Variants in LIN7A observed in about 807,000 individuals in gnomAD.
The protein encoded by LIN7A is protein lin-7 homolog A.
In LIN7A, 25 loss-of-function variants were observed where a neutral mutation model predicts 29.8. That is an observed-to-expected ratio of 0.84 (90% CI 0.61 to 1.17). The LOEUF (loss-of-function observed/expected upper bound fraction) is 1.17, where lower values mean the gene tolerates loss of function less well. Ranked by LOEUF, LIN7A falls within the 50% of genes most tolerant of loss-of-function variation. The probability of loss-of-function intolerance (pLI) is 0.00; values close to 1 mark genes in which losing one functional copy is unlikely to be tolerated. For missense variants in LIN7A, 239 were observed against 287.0 expected, an observed-to-expected ratio of 0.83 and a Z score of 1.21; for synonymous variants, 118 against 107.5, an observed-to-expected ratio of 1.10 and a Z score of -0.60.
chr12:80,852,833 A>G (rs948178385), intron 2 of LIN7A, among the ~76,000 whole-genome samples: 2 of 152,172 alleles, frequency 1.3e-5, no homozygotes, highest in South Asian at 2.1e-4. Flanking sequence ...TTCTCCCAGT[A>G]TTGTCTGACC....
At chr12:80,887,143 C>T (rs2120631236) in intron 2 of LIN7A, among the ~76,000 whole-genome samples, 1 of 152,208 alleles carries the variant, frequency 6.6e-6, no homozygotes, top group South Asian at 2.1e-4. Flanking sequence ...TTTGACATCC[C>T]ATATCACCAT....
At chr12:80,852,962 G>T (rs1302531932) in intron 2 of LIN7A, among the ~76,000 whole-genome samples, 8 of 152,174 alleles carry the variant, frequency 5.3e-5, no homozygotes, top group African/African-American at 1.9e-4. Flanking sequence ...CTTGTCTTGT[G>T]TGTGGATATT....
chr12:80,927,155 CTTTTT>C (rs929026269), intron 1 of LIN7A, among the ~76,000 whole-genome samples: 8 of 75,536 alleles, frequency 1.1e-4, no homozygotes, highest in African/African-American at 2.2e-4. Flanking sequence ...TTTTCTTTTT[CTTTTT>C]TTTTTTTTTT....
intron 4 of LIN7A, among the ~76,000 whole-genome samples, chr12:80,837,025 G>A (rs920390900): frequency 6.6e-6 from 1 of 151,996 alleles, no homozygotes; most frequent in Non-Finnish European, 1.5e-5. Flanking sequence ...GATTGGATAG[G>A]CAGAAGCAGA....
intron 2 of LIN7A, among the ~76,000 whole-genome samples, chr12:80,851,355 C>CT (rs199557424): frequency 0.068 from 9,436 of 139,520 alleles, 837 homozygotes; most frequent in African/African-American, 0.21. Flanking sequence ...AATTGCTAGT[C>CT]TTTTTTTTTT....
intron 1 of LIN7A, among the ~76,000 whole-genome samples, chr12:80,913,744 A>G (rs7957120): frequency 0.21 from 31,516 of 152,122 alleles, 5,916 homozygotes; most frequent in African/African-American, 0.48. Context: ...CGAATAAAAC[A>G]TACTTACTTT....
chr12:80,815,637 A>G (rs913287957), intron 4 of LIN7A, among the ~76,000 whole-genome samples: 2 of 152,200 alleles, frequency 1.3e-5, no homozygotes, highest in Admixed American at 6.5e-5. Context: ...AACTTGTAGC[A>G]CCAGCTTCCT....
At chr12:80,873,999 T>C (rs2120518929) in intron 2 of LIN7A, among the ~76,000 whole-genome samples, 2 of 152,244 alleles carry the variant, frequency 1.3e-5, no homozygotes, top group South Asian at 2.1e-4. Flanking sequence ...CAAAGTACTC[T>C]TGGGCTGGAC....
chr12:80,799,031 CTA>C (rs1288647129), intron 5 of LIN7A, among the ~76,000 whole-genome samples: 4 of 152,162 alleles, frequency 2.6e-5, no homozygotes, highest in African/African-American at 9.6e-5. Context: ...CGTGCCTGGC[CTA>C]GAGGCTGAGT....
chr12:80,812,216 A>G (rs1451099346), intron 4 of LIN7A, among the ~76,000 whole-genome samples: 1 of 152,126 alleles, frequency 6.6e-6, no homozygotes, highest in Non-Finnish European at 1.5e-5. Context: ...GAAAAGGACT[A>G]TTAACTAAAT....
intron 4 of LIN7A, among the ~76,000 whole-genome samples, chr12:80,815,336 A>G (rs1871482136): frequency 6.6e-6 from 1 of 152,212 alleles, no homozygotes; most frequent in African/African-American, 2.4e-5. Flanking sequence ...GCATGAATAA[A>G]AAGAAGCCAA....
chr12:80,877,443 T>C (rs1874768733), intron 2 of LIN7A, among the ~76,000 whole-genome samples: 1 of 152,178 alleles, frequency 6.6e-6, no homozygotes, highest in African/African-American at 2.4e-5. Context: ...TTCAACAGTA[T>C]GGTTATCTCT....
chr12:80,830,312 A>C (rs994130172), intron 4 of LIN7A, among the ~76,000 whole-genome samples: 4 of 152,314 alleles, frequency 2.6e-5, no homozygotes, highest in South Asian at 2.1e-4. Context: ...GTAGCTTCTT[A>C]TATTATCATC....
At chr12:80,907,843 A>G (rs1876565495) in intron 1 of LIN7A, among the ~76,000 whole-genome samples, 1 of 152,158 alleles carries the variant, frequency 6.6e-6, no homozygotes. Context: ...AAGGTAAAAG[A>G]AAAAGAATTA....
intron 1 of LIN7A, among the ~76,000 whole-genome samples, chr12:80,914,322 TAACC>T: frequency 6.6e-6 from 1 of 152,352 alleles, no homozygotes; most frequent in East Asian, 1.9e-4. Context: ...CAATTTTGTT[TAACC>T]CAGTGTTTGG....
chr12:80,848,382 T>C (rs1180723134), intron 2 of LIN7A, 60 bp from the exon 3 acceptor site: 4 of 1,212,470 alleles, frequency 3.3e-6, no homozygotes, highest in African/African-American at 1.5e-5. Flanking sequence ...AATTCTTTTA[T>C]TGCAGAAAGA....
At position 80,795,374 on chromosome 12, in the gene LIN7A, G is replaced by A. The variant is rs544911400; in HGVS notation, c.*2353C>T. ...TAATCCATCCTTAGATGTCCTAGGT[G>A]TGATGGATTGCTTCTTTACTTTGAC... On this transcript the variant is annotated 3_prime_UTR_variant, in exon 6 of 6. Coordinates refer to ENST00000552864, the MANE Select transcript of LIN7A (RefSeq NM_004664.4). The A allele has an allele frequency of 6.6e-6, 1 of 152,178 alleles. No homozygotes were observed. The highest frequency in any genetic ancestry group is 2.4e-5 in the African/African-American group (1 of 41,540). 9.4% of individuals were successfully genotyped at this position (152,178 alleles called of 1,614,324 possible). A position where few individuals can be genotyped will look rare whatever the true frequency, so the allele number is the denominator to read the frequency against.
chr12:80,820,589 AG>A lies in LIN7A; in HGVS notation c.484-8907del, dbSNP rs931881735. ...CTTGATCCTTGATGTCTGCACCAAA[AG>A]GGGGGAAAAGTCCTGATGGTTGTTG... is the stretch of plus-strand genomic sequence containing the variant. On this transcript the variant is annotated intron_variant, in intron 4 of 5. Transcript: ENST00000552864. Among the ~76,000 whole-genome samples the A allele has an allele frequency of 8.6e-5, 13 of 151,042 alleles. No homozygotes were observed. The South Asian group carries it at 1.9e-3, about 22-fold the overall frequency.
intron 1 of LIN7A, among the ~76,000 whole-genome samples, chr12:80,928,248 G>A (rs1260531604): frequency 6.6e-6 from 1 of 152,074 alleles, no homozygotes; most frequent in Admixed American, 6.5e-5. Flanking sequence ...GGGTCAAATA[G>A]CATTTCTAGT....
Sources: gnomAD v4.1 joint callset for allele counts (sites outside exome capture counted in the v4.1 genomes callset) on GRCh38, gnomAD v4.1.1 for gene constraint, MANE v1.5 for transcripts, NCBI Gene and HGNC (gene_info 2026-07-23, HGNC 2026-07-21) for gene names.